MYO16: variants seen among roughly 807,000 people sequenced by gnomAD.
The protein encoded by MYO16 is myosin XVI.
In MYO16, 94 loss-of-function variants were observed where a neutral mutation model predicts 205.3. That is an observed-to-expected ratio of 0.46 (90% CI 0.39 to 0.54). The LOEUF (loss-of-function observed/expected upper bound fraction) is 0.54, where lower values mean the gene tolerates loss of function less well. MYO16 is among the 20% of genes least tolerant of loss of function. The probability of loss-of-function intolerance (pLI) is 0.00; values close to 1 mark genes in which losing one functional copy is unlikely to be tolerated. For missense variants in MYO16, 2,315 were observed against 2,387.5 expected (o/e 0.97, Z 0.63); for synonymous variants, 988 against 954.0 (o/e 1.04, Z -0.66).
chr13:108,976,413 A>G (rs757924224), intron 20 of MYO16, among the ~76,000 whole-genome samples: 2 of 152,190 alleles, frequency 1.3e-5, no homozygotes, highest in Non-Finnish European at 2.9e-5. Flanking sequence ...TTGAACACAG[A>G]TAAATGAATC....
the MYO16 span, among the ~76,000 whole-genome samples, chr13:108,532,154 C>T: frequency 4.7e-3 from 711 of 151,648 alleles, 5 homozygotes; most frequent in African/African-American, 0.016. Context: ...TGCCGTGAGC[C>T]GAGATTGTGC....
intron 11 of MYO16, among the ~76,000 whole-genome samples, chr13:108,861,339 G>T (rs1315195393): frequency 6.6e-6 from 1 of 152,044 alleles, no homozygotes; most frequent in Non-Finnish European, 1.5e-5. Context: ...CAGCTATACT[G>T]TTGCTTGTAA....
rs75105959 is a variant in MYO16 at position 108,667,078 on chromosome 13, G to A, written c.292+929G>A. Among the ~76,000 whole-genome samples the A allele has an allele frequency of 5.7e-3, 865 of 152,238 alleles. 9 individuals carry two copies. The highest frequency in any genetic ancestry group is 0.019 in the African/African-American group (801 of 41,550). On this transcript the variant is annotated intron_variant, in intron 2 of 34. Coordinates refer to ENST00000457511, the MANE Select transcript of MYO16 (RefSeq NM_001198950.3). ...CCGTTATTTTGATAGCTCATTTAGT[G>A]GCAAAACTTTCACTGACCTACTTAT...
chr13:109,087,668 A>G (rs1364405077), intron 27 of MYO16, among the ~76,000 whole-genome samples: 1 of 152,206 alleles, frequency 6.6e-6, no homozygotes, highest in Admixed American at 6.5e-5. Context: ...TAAAAACTCC[A>G]CAACGCTCTT....
chr13:108,880,649 G>A lies in MYO16; in HGVS notation c.1426-2410G>A, dbSNP rs367938724. 5.3e-5 allele frequency among the ~76,000 whole-genome samples: 8 copies of A among 152,132 alleles called. No homozygotes were observed. The South Asian group carries it at 8.3e-4, about 16-fold the overall frequency. On this transcript the variant is annotated intron_variant, in intron 12 of 34. Transcript: ENST00000457511. ...TTTCCCCATTTCTTGTTTTTGTCAGGTTTGTCAAAGATCAGATGGTTGTAG... is the reference window on the plus strand; with the variant it reads ...TTTCCCCATTTCTTGTTTTTGTCAGATTTGTCAAAGATCAGATGGTTGTAG...
chr13:108,753,379 A>AC (rs1885312283), intron 4 of MYO16, among the ~76,000 whole-genome samples: 2 of 99,534 alleles, frequency 2.0e-5, no homozygotes, highest in African/African-American at 6.0e-5. Flanking sequence ...ACAAAAAAAA[A>AC]AAAAAAAAAA....
intron 16 of MYO16, among the ~76,000 whole-genome samples, chr13:108,936,916 C>A (rs959361904): frequency 2.0e-5 from 3 of 152,056 alleles, no homozygotes; most frequent in Non-Finnish European, 4.4e-5. Flanking sequence ...TTTGCCATTT[C>A]TATTGTGTTC....
intron 2 of MYO16, among the ~76,000 whole-genome samples, chr13:108,710,251 A>G (rs1488755334): frequency 6.6e-6 from 1 of 152,210 alleles, no homozygotes; most frequent in East Asian, 1.9e-4. Flanking sequence ...CGAACTTACA[A>G]TGCAGTAGAT....
intron 2 of MYO16, among the ~76,000 whole-genome samples, chr13:108,677,305 GC>G (rs1294737462): frequency 6.8e-6 from 1 of 147,966 alleles, no homozygotes; most frequent in Admixed American, 6.8e-5. Flanking sequence ...CCCATAAGGT[GC>G]ACATGCATGT....
At chr13:109,007,119 T>C (rs1885412988) in intron 21 of MYO16, among the ~76,000 whole-genome samples, 1 of 152,130 alleles carries the variant, frequency 6.6e-6, no homozygotes, top group Non-Finnish European at 1.5e-5. Flanking sequence ...CCAGGGGCGG[T>C]GGCTCATGCC....
intron 21 of MYO16, among the ~76,000 whole-genome samples, chr13:109,001,706 AG>A (rs1435881679): frequency 5.9e-5 from 9 of 152,192 alleles, no homozygotes; most frequent in Non-Finnish European, 1.0e-4. Context: ...GTGAGCCCCA[AG>A]GTAATCTTCA....
intron 9 of MYO16, among the ~76,000 whole-genome samples, chr13:108,842,646 CTGTT>C (rs1019867561): frequency 1.8e-4 from 27 of 152,172 alleles, no homozygotes; most frequent in African/African-American, 4.6e-4. Context: ...CCCTTGAACA[CTGTT>C]TGTGGGGATG....
chr13:108,872,640 CTA>C (rs1225909881), intron 12 of MYO16, among the ~76,000 whole-genome samples: 9 of 150,820 alleles, frequency 6.0e-5, no homozygotes, highest in South Asian at 2.1e-4. Flanking sequence ...TAAATAAAAT[CTA>C]TATATGTTTC....
At chr13:108,785,783 G>C in intron 5 of MYO16, 40 bp downstream of exon 5, 1 of 1,299,204 alleles carries the variant, frequency 7.7e-7, no homozygotes, top group Non-Finnish European at 1.1e-6. Flanking sequence ...AAAATAGATT[G>C]GGAGAATTGT....
At chr13:108,516,044 C>G in the MYO16 span, among the ~76,000 whole-genome samples, 1 of 143,486 alleles carries the variant, frequency 7.0e-6, no homozygotes, top group East Asian at 2.2e-4. Context: ...CCTAAGCAAG[C>G]CTGGGCAATG....
At chr13:108,497,480 T>G in the MYO16 span, among the ~76,000 whole-genome samples, 1 of 152,212 alleles carries the variant, frequency 6.6e-6, no homozygotes, top group Admixed American at 6.5e-5. Context: ...TATACAGCAA[T>G]GCATTATAGA....
intron 6 of MYO16, among the ~76,000 whole-genome samples, chr13:108,803,527 T>C (rs1264350606): frequency 6.6e-6 from 1 of 152,208 alleles, no homozygotes; most frequent in Non-Finnish European, 1.5e-5. Context: ...CAATGAAAAC[T>C]GATCCTTATA....
At chr13:108,581,234 C>A in the MYO16 span, among the ~76,000 whole-genome samples, 1 of 152,052 alleles carries the variant, frequency 6.6e-6, no homozygotes, top group Admixed American at 6.5e-5. Context: ...GCAAAAAGAA[C>A]AAAGTATGTT....
intron 32 of MYO16, among the ~76,000 whole-genome samples, chr13:109,153,021 G>A (rs1053844877): frequency 3.3e-5 from 5 of 152,112 alleles, no homozygotes; most frequent in Admixed American, 1.3e-4. Flanking sequence ...AAACTCCGAC[G>A]CATCCAGGGG....
Sources: allele counts gnomAD v4.1 joint callset (sites outside exome capture counted in the v4.1 genomes callset), GRCh38; gene constraint gnomAD v4.1.1; transcripts MANE v1.5; gene names NCBI Gene and HGNC (gene_info 2026-07-23, HGNC 2026-07-21).